The following ZNF695 variants were observed in gnomAD, a reference collection of about 807,000 sequenced individuals.
ZNF695 encodes zinc finger protein 695, also known as zinc finger protein SBZF3.
ZNF695 carries 11 observed loss-of-function variants against 11.2 expected under a neutral mutation model. The ratio of observed to expected loss-of-function variants is 0.98; its 90% CI spans 0.62 to 1.62. The LOEUF (loss-of-function observed/expected upper bound fraction) is 1.62. ZNF695 is among the 40% of genes most tolerant of loss of function. The probability of loss-of-function intolerance (pLI) is 0.00; values close to 1 mark genes in which losing one functional copy is unlikely to be tolerated. For missense variants in ZNF695, 559 were observed against 590.5 expected (o/e 0.95, Z 0.55); for synonymous variants, 190 against 201.4 (o/e 0.94, Z 0.48).
chr1:246,999,995 A>G lies in ZNF695; in HGVS notation c.83T>C (p.Leu28Ser), dbSNP rs1669316935. The part of the protein sequence containing the change: ...WECLDPAQRS[L>S]YRDVMLENYR... ...GTTCTCTAACATCACATCCCTATAC[A>G]AACTCCGCTGAGCTGGGTCCAGGCA... Residue 28 changes from leucine to serine, a missense_variant, in exon 2 of 4, where the codon TTG becomes TCG. Transcript: ENST00000339986. 1.3e-5 allele frequency: 21 copies of G among 1,614,126 alleles called. No individual in the cohort carries two copies. Among genetic ancestry groups the G allele is most frequent in the Non-Finnish European group, 1.8e-5 (21 of 1,180,004 alleles).
intron 5 of ZNF695, among the ~76,000 whole-genome samples, chr1:246,954,586 G>A (rs1437636008): frequency 6.6e-6 from 1 of 152,184 alleles, no homozygotes; most frequent in Non-Finnish European, 1.5e-5. Flanking sequence ...CTAATGTACA[G>A]GATTTGGAAT....
chr1:246,968,621 T>C (rs541958815), intron 4 of ZNF695: 1 of 152,386 alleles, frequency 6.6e-6, no homozygotes, highest in Admixed American at 6.5e-5. Flanking sequence ...AGTACCCTAG[T>C]AGAGGTTCTC....
Position 246,986,841 on chromosome 1 carries a change from G to T in ZNF695, c.*126C>A, listed in dbSNP as rs1378915548. 2.8e-6 allele frequency: 4 copies of T among 1,439,486 alleles called. No homozygotes were observed. Among genetic ancestry groups the T allele is most frequent in the Non-Finnish European group, 3.6e-6 (4 of 1,099,198 alleles). The allele number at this position is 1,439,486 out of a possible 1,614,324, so 89.2% of individuals were successfully genotyped here. On this transcript the variant is annotated 3_prime_UTR_variant, in exon 4 of 4. Coordinates refer to ENST00000339986, the MANE Select transcript of ZNF695 (RefSeq NM_020394.5). ...ATTTTAGTGCACTCAAAGGCTCATAGACTGTAAATGGCCTTTTGACAGTCA... is the reference window on the plus strand; with the variant it reads ...ATTTTAGTGCACTCAAAGGCTCATATACTGTAAATGGCCTTTTGACAGTCA...
downstream of ZNF695, among the ~76,000 whole-genome samples, chr1:246,984,438 C>A (rs982914215): frequency 2.0e-5 from 3 of 152,150 alleles, no homozygotes; most frequent in African/African-American, 7.2e-5. Context: ...AGTCCTTTCT[C>A]TGCATGCAGA....
At chr1:247,006,474 G>T (rs1473329956) in intron 1 of ZNF695, among the ~76,000 whole-genome samples, 1 of 152,122 alleles carries the variant, frequency 6.6e-6, no homozygotes. Flanking sequence ...AGCCGGGCAT[G>T]GTGGCGCCTG....
At chr1:246,999,075 G>A (rs1418443094) in intron 3 of ZNF695, among the ~76,000 whole-genome samples, 1 of 151,824 alleles carries the variant, frequency 6.6e-6, no homozygotes, top group African/African-American at 2.4e-5. Context: ...AGCAATGCAA[G>A]AGCAGTCAGA....
At chr1:246,952,044 G>A (rs1667881157) in intron 5 of ZNF695, among the ~76,000 whole-genome samples, 1 of 152,144 alleles carries the variant, frequency 6.6e-6, no homozygotes, top group Admixed American at 6.5e-5. Context: ...GACCTCCCAG[G>A]CTCAGGCGAT....
At chr1:246,955,279 T>C (rs1667967643) in intron 5 of ZNF695, among the ~76,000 whole-genome samples, 1 of 152,184 alleles carries the variant, frequency 6.6e-6, no homozygotes, top group Non-Finnish European at 1.5e-5. Flanking sequence ...CTATTGCTCC[T>C]AGGCTACAAA....
In ZNF695 at chr1:246,987,571, T is replaced by G. The variant is rs868763570; in HGVS notation, c.944A>C (p.Lys315Thr). 1 of 1,598,734 alleles carries G rather than the reference T, an allele frequency of 6.3e-7. No homozygotes were observed. ...FKLFPYLTQH[K>T]RIHSREKPYK... ...GGGTTTCTCTCTACTATGAATTCTC[T>G]TGTGTTGAGTAAGGTATGGGAACAA... Residue 315 changes from lysine to threonine, a missense_variant, in exon 4 of 4, where the codon AAG (lysine) becomes ACG (threonine). Physicochemically the swap from Lys to Thr is moderately conservative, Grantham distance 78 (BLOSUM62 -1). Transcript: ENST00000339986.
chr1:246,992,870 C>T (rs1669081005), intron 3 of ZNF695, among the ~76,000 whole-genome samples: 1 of 152,076 alleles, frequency 6.6e-6, no homozygotes, highest in Admixed American at 6.5e-5. Context: ...ACTTCTCCCT[C>T]AGAAAATAAA....
intron 5 of ZNF695, among the ~76,000 whole-genome samples, chr1:246,960,194 T>A (rs2103004833): frequency 6.6e-6 from 1 of 152,374 alleles, no homozygotes; most frequent in South Asian, 2.1e-4. Flanking sequence ...TAATACTTCC[T>A]CTTTTCTATT....
chr1:246,966,833 C>G (rs1238595041), intron 5 of ZNF695: 1 of 456,658 alleles, frequency 2.2e-6, no homozygotes, highest in East Asian at 7.0e-5. Context: ...GTCCTGTGAG[C>G]CACTGCAAGG....
At position 246,953,901 on chromosome 1, in the gene ZNF695, G is replaced by C. The variant is rs139615244; in HGVS notation, c.489-8074C>G. Among the ~76,000 whole-genome samples, 70 of 151,036 alleles carry C rather than the reference G, an allele frequency of 4.6e-4. No individual in the cohort carries two copies. In the East Asian group the frequency reaches 0.013, roughly 28 times the overall value. The stretch of plus-strand genomic sequence containing the variant: ...AGATCACGCCACTGCACTCCAGCCT[G>C]GGCGACAGAGTGAGACTGTCTCAAA... On this transcript the variant is annotated intron_variant, in intron 5 of 5. Coordinates refer to the ZNF695 transcript ENST00000487338.
At chr1:246,962,234 G>A (rs867945814) in intron 5 of ZNF695, among the ~76,000 whole-genome samples, 1 of 152,224 alleles carries the variant, frequency 6.6e-6, no homozygotes, top group Admixed American at 6.5e-5. Flanking sequence ...GCTTGCACAC[G>A]TAGGGAACAC....
At chr1:247,001,821 A>G (rs1045700031) in intron 1 of ZNF695, among the ~76,000 whole-genome samples, 2 of 152,160 alleles carry the variant, frequency 1.3e-5, no homozygotes, top group Non-Finnish European at 2.9e-5. Context: ...TATGCAACCA[A>G]CATTGAAGCA....
intron 3 of ZNF695, among the ~76,000 whole-genome samples, chr1:246,997,899 A>G (rs1669256810): frequency 6.6e-6 from 1 of 152,248 alleles, no homozygotes; most frequent in Non-Finnish European, 1.5e-5. Flanking sequence ...AGGAGGTAGG[A>G]AAATGGAAGA....
intron 3 of ZNF695, among the ~76,000 whole-genome samples, chr1:246,989,889 T>C (rs1215770188): frequency 6.6e-6 from 1 of 152,038 alleles, no homozygotes; most frequent in Non-Finnish European, 1.5e-5. Context: ...TGGTCCCAGC[T>C]ACCTGAGAGG....
At chr1:247,007,669 T>C (rs1258856087) in intron 1 of ZNF695, among the ~76,000 whole-genome samples, 2 of 151,962 alleles carry the variant, frequency 1.3e-5, no homozygotes, top group Admixed American at 6.5e-5. Context: ...CTCTGGGCCG[T>C]GCCGAAGTCA....
rs551935334 is a variant in ZNF695, at chr1:246,988,456, A to G, written c.260-201T>C. Among the ~76,000 whole-genome samples, 141 of 150,990 alleles carry G rather than the reference A, an allele frequency of 9.3e-4. 1 individual carries two copies. Among genetic ancestry groups the G allele is most frequent in the African/African-American group, 3.3e-3 (136 of 41,050 alleles). On this transcript the variant is annotated intron_variant, in intron 3 of 3. Transcript: ENST00000339986. ...AATCCTAAAAGCAGCCAAAGGGGGA[A>G]AAAAAGAAATGACGTACAATGAAGC...
Sources: allele counts gnomAD v4.1 joint callset (sites outside exome capture counted in the v4.1 genomes callset), GRCh38; gene constraint gnomAD v4.1.1; transcripts MANE v1.5; gene names NCBI Gene and HGNC (gene_info 2026-07-23, HGNC 2026-07-21).